Variants in RELA observed in about 807,000 individuals in gnomAD.
RELA encodes the protein transcription factor p65.
RELA carries 14 observed loss-of-function variants against 56.7 expected under a neutral mutation model. The ratio of observed to expected loss-of-function variants is 0.25; its 90% confidence interval spans 0.16 to 0.39. The LOEUF (loss-of-function observed/expected upper bound fraction) is 0.39, where lower values mean the gene tolerates loss of function less well. Among genes scored for constraint, RELA ranks in the 10% least tolerant of loss-of-function variants. RELA has a pLI of 1.00. For missense variants in RELA, 559 were observed against 736.4 expected (o/e 0.76, Z 2.79); for synonymous variants, 315 against 289.7 (o/e 1.09, Z -0.89).
chr11:65,655,397 G>T (rs1476317397), intron 10 of RELA: 2 of 586,426 alleles, frequency 3.4e-6, no homozygotes, highest in South Asian at 4.3e-5. Context: ...CACACATCTT[G>T]CTAATTTAGA....
intron 8 of RELA, 153 bp from the exon 9 acceptor site, chr11:65,656,088 A>G: frequency 1.4e-6 from 1 of 711,324 alleles, no homozygotes; most frequent in Non-Finnish European, 2.5e-6. Flanking sequence ...TGTGACACTC[A>G]GCAGTTCTGA....
intron 10 of RELA, chr11:65,655,309 G>T (rs1856394855): frequency 1.8e-6 from 1 of 566,836 alleles, no homozygotes; most frequent in South Asian, 2.3e-5. Flanking sequence ...AGTCCTGAGA[G>T]GCAATGAGCC....
At chr11:65,656,649 G>GT (rs1192695150) in intron 8 of RELA, among the ~76,000 whole-genome samples, 4 of 152,212 alleles carry the variant, frequency 2.6e-5, no homozygotes, top group Non-Finnish European at 4.4e-5. Flanking sequence ...GGATGTGGCC[G>GT]TGAGTATGCA....
At chr11:65,656,523 G>C (rs1856433257) in intron 8 of RELA, among the ~76,000 whole-genome samples, 1 of 151,410 alleles carries the variant, frequency 6.6e-6, no homozygotes, top group Non-Finnish European at 1.5e-5. Context: ...CATCTGCCCT[G>C]TCACCAAAGC....
At position 65,658,876 on chromosome 11, in the gene RELA, T is replaced by C; in HGVS notation, c.560-54A>G. On this transcript the variant is annotated intron_variant, in intron 6 of 10. Transcript: ENST00000406246. The surrounding 1 kb of genome is among the most constrained non-coding windows in gnomAD (Gnocchi z 4.5). ...CCTGAGCCACGAGAGGTCCCCAGGG[T>C]GGCCTGCAGGAGATGCAACTTCCCT... The C allele has an allele frequency of 2.0e-6, 3 of 1,486,782 alleles. No homozygotes were observed. Among genetic ancestry groups the C allele is most frequent in the Non-Finnish European group, 1.9e-6 (2 of 1,064,598 alleles). 92.1% of individuals were successfully genotyped at this position (1,486,782 alleles called of 1,614,324 possible).
chr11:65,662,048 C>T lies in RELA; in HGVS notation c.75G>A (p.Glu25=). 6.2e-7 allele frequency: 1 copy of T among 1,612,758 alleles called. No homozygotes were observed. The highest frequency in any genetic ancestry group is 8.5e-7 in the Non-Finnish European group (1 of 1,179,660). Residue 25 remains glutamate, a synonymous_variant, in exon 3 of 11, where the codon GAG becomes GAA. Transcript: ENST00000406246. The stretch of plus-strand genomic sequence containing the variant: ...AGCGCATGCCCCGCTGCTTGGGCTG[C>T]TCAATGATCTCCACATAGGGGCCAG... The part of the protein sequence containing the change: ...QASGPYVEII[E]QPKQRGMRFR...
Position 65,655,847 on chromosome 11 carries a change from C to CAT in RELA, c.958+6_958+7dup. The CAT allele has an allele frequency of 6.2e-7, 1 of 1,613,906 alleles. No homozygotes were observed. The highest frequency in any genetic ancestry group is 8.5e-7 in the Non-Finnish European group (1 of 1,179,796). ...CTTCCTCTCTGGCTTTCCCAGTCCC[C>CAT]ATCTCACCGCTGAAAGGACTCTTCT... is the stretch of plus-strand genomic sequence containing the variant. On this transcript the variant is annotated splice_region_variant and intron_variant, in intron 9 of 10. Coordinates refer to ENST00000406246, the MANE Select transcript of RELA (RefSeq NM_021975.4).
chr11:65,654,645 G>C lies in RELA; in HGVS notation c.1389C>G (p.Phe463Leu), dbSNP rs1333488473. 1 of 1,597,680 alleles carries C rather than the reference G, an allele frequency of 6.3e-7. No individual in the cohort carries two copies. The highest frequency in any genetic ancestry group is 1.1e-5 in the South Asian group (1 of 88,366). The change falls in exon 11 of 11, where the codon TTC becomes TTG. Residue 463 changes from phenylalanine to leucine, a missense_variant. Phe to Leu is a conservative substitution (Grantham distance 22). Coordinates refer to ENST00000406246, the MANE Select transcript of RELA (RefSeq NM_021975.4). ...LLGNSTDPAV[F>L]TDLASVDNSE... The stretch of plus-strand genomic sequence containing the variant: ...AGTTGTCGACGGATGCCAGGTCTGT[G>C]AACACAGCTGGGTCTGTGCTGTTGC...
chr11:65,662,729 G>T, intron 1 of RELA, 97 bp downstream of exon 1: 2 of 999,764 alleles, frequency 2.0e-6, no homozygotes, highest in Non-Finnish European at 2.5e-6. Flanking sequence ...CGCAGCGCCC[G>T]TCGGCGCAGG....
intron 5 of RELA, 125 bp from the exon 6 acceptor site, chr11:65,659,922 G>A: frequency 2.3e-6 from 3 of 1,301,468 alleles, no homozygotes; most frequent in Non-Finnish European, 3.2e-6. Flanking sequence ...CCTAGAGGAG[G>A]CAGAACCCAG....
chr11:65,662,091 G>T lies in RELA; in HGVS notation c.35-3C>A. On this transcript the variant is annotated splice_polypyrimidine_tract_variant and splice_region_variant and intron_variant, in intron 2 of 10. Transcript: ENST00000406246. ...GGGGCCAGAGGCCTGGGCTGGCTCTGCCAGGGGACACCGCAGCCCCATTAG... is the reference window on the plus strand; with the variant it reads ...GGGGCCAGAGGCCTGGGCTGGCTCTTCCAGGGGACACCGCAGCCCCATTAG... 1 of 1,609,560 alleles carries T rather than the reference G, an allele frequency of 6.2e-7. No individual in the cohort carries two copies.
Position 65,654,679 on chromosome 11 carries a change from GC to G in RELA, c.1354del (p.Ala452ProfsTer27). ...TGGGTCTGTGCTGTTGCCAAGCAAG[GC>G]CCCCAGGTCTTCATCATCAAACTGC... The part of the protein sequence containing the change: ...QLQFDDEDLG[A>X]LLGNSTDPAV... On this transcript the variant is annotated frameshift_variant, in exon 11 of 11. Transcript: ENST00000406246. LOFTEE classifies it high-confidence loss of function. 1 of 1,552,802 alleles carries G rather than the reference GC, an allele frequency of 6.4e-7. No homozygotes were observed. Among genetic ancestry groups the G allele is most frequent in the Non-Finnish European group, 8.7e-7 (1 of 1,151,162 alleles).
At chr11:65,660,096 C>T (rs776249046) in intron 5 of RELA, 28 bp downstream of exon 5, 19 of 1,595,786 alleles carry the variant, frequency 1.2e-5, no homozygotes, top group African/African-American at 9.4e-5. Flanking sequence ...ACAGAGGGTG[C>T]GGGTGTGGCA....
At chr11:65,662,153 C>T in intron 2 of RELA, 26 bp downstream of exon 2, 1 of 1,588,500 alleles carries the variant, frequency 6.3e-7, no homozygotes. Context: ...GGGAGCACCT[C>T]CCCGACCGCC....
intron 6 of RELA, among the ~76,000 whole-genome samples, 197 bp from the exon 7 acceptor site, chr11:65,659,019 C>G (rs530511164): frequency 3.3e-5 from 5 of 152,312 alleles, no homozygotes; most frequent in African/African-American, 1.2e-4. Flanking sequence ...CTACTGTGCA[C>G]TCAACACTGA....
chr11:65,656,511 G>A lies in RELA; in HGVS notation c.878-576C>T, dbSNP rs369313106. ...TTTCTCCTGCATTCCCTGACCATCC[G>A]CCATCTGCCCTGTCACCAAAGCTAG... is the stretch of plus-strand genomic sequence containing the variant. On this transcript the variant is annotated intron_variant, in intron 8 of 10. Coordinates refer to ENST00000406246, the MANE Select transcript of RELA (RefSeq NM_021975.4). 2.6e-5 allele frequency among the ~76,000 whole-genome samples: 4 copies of A among 152,108 alleles called. No individual in the cohort carries two copies. The South Asian group carries it at 8.3e-4, about 32-fold the overall frequency.
In RELA at chr11:65,658,653, C is replaced by T; in HGVS notation, c.664+65G>A. The stretch of plus-strand genomic sequence containing the variant: ...AGTATCCAAAGCCAGTTACCTGACA[C>T]TCCACTTCTCTGCTCAGCTTCACCC... On this transcript the variant is annotated intron_variant, in intron 7 of 10. Transcript: ENST00000406246. This position sits in a 1 kb window ranked among gnomAD's most constrained non-coding sequence, Gnocchi z 4.5. 2.9e-5 allele frequency: 43 copies of T among 1,500,080 alleles called. No individual in the cohort carries two copies. Among genetic ancestry groups the T allele is most frequent in the Non-Finnish European group, 4.0e-5 (43 of 1,078,168 alleles). The allele number at this position is 1,500,080 out of a possible 1,614,324, so 92.9% of individuals were successfully genotyped here.
At chr11:65,656,242 C>T (rs1416596400) in intron 8 of RELA, among the ~76,000 whole-genome samples, 1 of 152,212 alleles carries the variant, frequency 6.6e-6, no homozygotes, top group African/African-American at 2.4e-5. Context: ...CTGCACTGCT[C>T]ACATCCTGGC....
chr11:65,659,610 C>T (rs1856512492), intron 6 of RELA, 56 bp downstream of exon 6: 3 of 1,607,638 alleles, frequency 1.9e-6, no homozygotes, highest in Non-Finnish European at 2.5e-6. Context: ...ACCCCAACCC[C>T]CTTCCTCCTA....
Sources: allele counts gnomAD v4.1 joint callset (sites outside exome capture counted in the v4.1 genomes callset), GRCh38; gene constraint gnomAD v4.1.1; non-coding constraint Gnocchi (gnomAD v3.1); transcripts MANE v1.5; gene names NCBI Gene and HGNC (gene_info 2026-07-23, HGNC 2026-07-21).